UNC13A: variants seen among roughly 807,000 people sequenced by gnomAD.
UNC13A encodes the protein protein unc-13 homolog A.
In UNC13A, 61 loss-of-function variants were observed where a neutral mutation model predicts 219.7. That is an observed-to-expected ratio of 0.28 (90% CI 0.23 to 0.34). The LOEUF is 0.34. Among genes scored for constraint, UNC13A ranks in the 10% least tolerant of loss-of-function variants. The pLI is 1.00. For synonymous variants in UNC13A, 920 were observed against 884.6 expected (o/e 1.04, Z -0.71); for missense variants, 1,476 against 2,270.3 (o/e 0.65, Z 7.11).
chr19:17,643,344 T>A (rs535837182), intron 19 of UNC13A, among the ~76,000 whole-genome samples: 173 of 151,830 alleles, frequency 1.1e-3, no homozygotes, highest in African/African-American at 3.7e-3. Context: ...ATTTTATTTT[T>A]TTTTGAGATC....
rs1200832603 is a variant in UNC13A, at chr19:17,604,581, C to G, written c.*1473G>C. ...CAGCTCACCCCGTTTTCATTTCTCCCTAGCACAGCAAAATCTTGTCCTTCC... is the reference window on the plus strand; with the variant it reads ...CAGCTCACCCCGTTTTCATTTCTCCGTAGCACAGCAAAATCTTGTCCTTCC... On this transcript the variant is annotated 3_prime_UTR_variant, in exon 44 of 44. Coordinates refer to ENST00000519716, the MANE Select transcript of UNC13A (RefSeq NM_001080421.3). 1.3e-5 allele frequency: 2 copies of G among 152,372 alleles called. No individual in the cohort carries two copies. The highest frequency in any genetic ancestry group is 1.9e-4 in the East Asian group (1 of 5,200). The allele number at this position is 152,372 out of a possible 1,614,324, so 9.4% of individuals were successfully genotyped here.
chr19:17,665,228 G>C (rs1307504617), intron 7 of UNC13A, among the ~76,000 whole-genome samples: 1 of 150,992 alleles, frequency 6.6e-6, no homozygotes, highest in Non-Finnish European at 1.5e-5. Flanking sequence ...AAGAAGAAAA[G>C]AAAGTAAATG....
intron 2 of UNC13A, 128 bp downstream of exon 2, chr19:17,675,884 C>T: frequency 8.0e-7 from 1 of 1,252,530 alleles, no homozygotes; most frequent in Non-Finnish European, 1.1e-6. Flanking sequence ...ATCTTCTGAC[C>T]CCTCTCCTGA....
chr19:17,636,301 A>T lies in UNC13A; in HGVS notation c.3082-144T>A, dbSNP rs1323630748. ...CAGGTAAGAAATCTATATAGAGAGGAATTGAACTCATAAACTGGCCCAAAC... is the reference window on the plus strand; with the variant it reads ...CAGGTAAGAAATCTATATAGAGAGGTATTGAACTCATAAACTGGCCCAAAC... On this transcript the variant is annotated intron_variant, in intron 25 of 43. Coordinates refer to ENST00000519716, the MANE Select transcript of UNC13A (RefSeq NM_001080421.3). 2.9e-6 allele frequency: 3 copies of T among 1,045,252 alleles called. No homozygotes were observed. In the African/African-American group the frequency reaches 4.8e-5, roughly 17 times the overall value. 64.7% of individuals were successfully genotyped at this position (1,045,252 alleles called of 1,614,324 possible).
intron 41 of UNC13A, 38 bp downstream of exon 41, chr19:17,617,664 C>CGGA (rs1473858110): frequency 1.2e-6 from 2 of 1,602,778 alleles, no homozygotes; most frequent in Non-Finnish European, 1.7e-6. Context: ...GCTGTCTCCG[C>CGGA]GGAGCGGGAA....
intron 9 of UNC13A, among the ~76,000 whole-genome samples, chr19:17,657,276 C>T (rs1410801905): frequency 1.3e-5 from 2 of 152,200 alleles, no homozygotes; most frequent in African/African-American, 2.4e-5. Context: ...CGCTGGCCAC[C>T]TCGTTGTCTC....
chr19:17,674,842 C>G lies in UNC13A; in HGVS notation c.53-86G>C. ...AAGCTCTAGACCATCTGCTGTGATC[C>G]CCTCAGGAATTTCTGGGCCACTCAC... On this transcript the variant is annotated intron_variant, in intron 2 of 43. Coordinates refer to ENST00000519716, the MANE Select transcript of UNC13A (RefSeq NM_001080421.3). This position sits in a 1 kb window ranked among gnomAD's most constrained non-coding sequence, Gnocchi z 5.0. 8.3e-7 allele frequency: 1 copy of G among 1,201,362 alleles called. No homozygotes were observed. The highest frequency in any genetic ancestry group is 1.2e-6 in the Non-Finnish European group (1 of 819,310). 74.4% of individuals were successfully genotyped at this position (1,201,362 alleles called of 1,614,324 possible). A position where few individuals can be genotyped will look rare whatever the true frequency, so the allele number is the denominator to read the frequency against.
intron 29 of UNC13A, 129 bp downstream of exon 29, chr19:17,630,525 T>G: frequency 8.2e-7 from 1 of 1,218,236 alleles, no homozygotes; most frequent in Non-Finnish European, 1.2e-6. Context: ...ACAAAAGATT[T>G]TAAAAACCAT....
chr19:17,648,985 TG>T lies in UNC13A; in HGVS notation c.1525-3del. 6.3e-7 allele frequency: 1 copy of T among 1,599,046 alleles called. No individual in the cohort carries two copies. Among genetic ancestry groups the T allele is most frequent in the South Asian group, 1.1e-5 (1 of 88,126 alleles). On this transcript the variant is annotated splice_polypyrimidine_tract_variant and splice_region_variant and intron_variant, in intron 14 of 43. Coordinates refer to ENST00000519716, the MANE Select transcript of UNC13A (RefSeq NM_001080421.3). ...CGCTTTCCTGGACTGGACCAGGGACTGGGGAGGTCACAGAAGAGGGAGTCGG... is the reference window on the plus strand; with the variant it reads ...CGCTTTCCTGGACTGGACCAGGGACTGGGAGGTCACAGAAGAGGGAGTCGG...
Position 17,627,727 on chromosome 19 carries a change from G to T in UNC13A, c.3832-130C>A, listed in dbSNP as rs2076798557. 2.4e-6 allele frequency: 3 copies of T among 1,258,324 alleles called. No individual in the cohort carries two copies. Among genetic ancestry groups the T allele is most frequent in the Non-Finnish European group, 3.4e-6 (3 of 893,486 alleles). The allele number at this position is 1,258,324 out of a possible 1,614,324, so 77.9% of individuals were successfully genotyped here. ...AAACTGAGGCACAGACCGTTATGCT[G>T]CAAGCCTGGGTTTAAGGCCATGGTT... On this transcript the variant is annotated intron_variant, in intron 32 of 43. Transcript: ENST00000519716. The surrounding 1 kb of genome is among the most constrained non-coding windows in gnomAD (Gnocchi z 4.7).
In UNC13A at chr19:17,606,058, G is replaced by A. The variant is rs747578104; in HGVS notation, c.5108C>T (p.Pro1703Leu). The change falls in exon 44 of 44, where the codon CCT (proline) becomes CTT (leucine). Residue 1703 changes from proline (P) to leucine (L), a missense_variant. Physicochemically the swap from Pro to Leu is moderately conservative, Grantham distance 98. Transcript: ENST00000519716. ...CCGCTCGGCCGACCGCCCGCGCTAA[G>A]GCGCAGGCGCGGCACCGCCCTCCTC... ...SAEEGGAAPAP is the reference protein window; with the variant it reads ...SAEEGGAAPAL 5 of 1,553,188 alleles carry A rather than the reference G, an allele frequency of 3.2e-6. No homozygotes were observed. The highest frequency in any genetic ancestry group is 5.2e-5 in the East Asian group (2 of 38,642).
At position 17,639,170 on chromosome 19, in the gene UNC13A, G is replaced by A. The variant is rs774701314; in HGVS notation, c.2994C>T (p.Asp998=). 3.7e-6 allele frequency: 6 copies of A among 1,613,930 alleles called. No homozygotes were observed. The highest frequency in any genetic ancestry group is 5.1e-6 in the Non-Finnish European group (6 of 1,179,944). The change falls in exon 25 of 44, where the codon GAC becomes GAT. Residue 998 remains aspartate, a synonymous_variant. Coordinates refer to ENST00000519716, the MANE Select transcript of UNC13A (RefSeq NM_001080421.3). ...SPPRASQVVK[D]CVKACLNSTY... is the part of the protein sequence containing the mutation. ...TAGAATTAAGGCAGGCTTTCACACAGTCCTTTACCACCTGGCTGGCTCGGG... is the reference window on the plus strand; with the variant it reads ...TAGAATTAAGGCAGGCTTTCACACAATCCTTTACCACCTGGCTGGCTCGGG...
intron 12 of UNC13A, among the ~76,000 whole-genome samples, chr19:17,650,152 G>A (rs2079316254): frequency 6.6e-6 from 1 of 152,132 alleles, no homozygotes; most frequent in African/African-American, 2.4e-5. Flanking sequence ...TGAAAAATGG[G>A]GAGATGATGT....
At chr19:17,668,402 G>A (rs1315204749) in intron 5 of UNC13A, among the ~76,000 whole-genome samples, 1 of 152,198 alleles carries the variant, frequency 6.6e-6, no homozygotes, top group East Asian at 1.9e-4. Flanking sequence ...TCCCAGAGCT[G>A]AATGGAGAAT....
intron 37 of UNC13A, among the ~76,000 whole-genome samples, chr19:17,621,523 G>A (rs1599339461): frequency 6.6e-6 from 1 of 151,914 alleles, no homozygotes; most frequent in Non-Finnish European, 1.5e-5. Flanking sequence ...TAGCGTGTAG[G>A]CTCCTCAAGA....
At chr19:17,665,353 C>T (rs963358440) in intron 7 of UNC13A, among the ~76,000 whole-genome samples, 1 of 152,142 alleles carries the variant, frequency 6.6e-6, no homozygotes, top group Non-Finnish European at 1.5e-5. Context: ...AATGGGAAGT[C>T]ATTTTAAGGA....
chr19:17,678,518 C>A (rs1228119268), intron 1 of UNC13A, among the ~76,000 whole-genome samples: 1 of 151,976 alleles, frequency 6.6e-6, no homozygotes, highest in Non-Finnish European at 1.5e-5. Flanking sequence ...AGCTGTGTGA[C>A]CCTGGGCAAG....
intron 4 of UNC13A, 104 bp from the exon 5 acceptor site, chr19:17,669,780 C>A: frequency 7.4e-7 from 1 of 1,355,046 alleles, no homozygotes; most frequent in Non-Finnish European, 9.8e-7. Flanking sequence ...TACCCCAAAA[C>A]CAAAGTCATG....
At position 17,616,548 on chromosome 19, in the gene UNC13A, G is replaced by A. The variant is rs943839539; in HGVS notation, c.4558+1154C>T. 16 of 640,370 alleles carry A rather than the reference G, an allele frequency of 2.5e-5. No individual in the cohort carries two copies. The African/African-American group carries it at 2.7e-4, about 11-fold the overall frequency. 39.7% of individuals were successfully genotyped at this position (640,370 alleles called of 1,614,324 possible). On this transcript the variant is annotated intron_variant, in intron 41 of 43. Transcript: ENST00000519716. ...GACGAGCCAGTGAGAGGTGAGGATG[G>A]AGGAGTGTGTGTGGAGGGGGCAGGG...
Sources: gnomAD v4.1 joint callset for allele counts (sites outside exome capture counted in the v4.1 genomes callset) on GRCh38, gnomAD v4.1.1 for gene constraint, Gnocchi (gnomAD v3.1) non-coding constraint, MANE v1.5 for transcripts, NCBI Gene and HGNC (gene_info 2026-07-23, HGNC 2026-07-21) for gene names.